Variants in ATF2 observed in about 807,000 individuals in gnomAD.
The protein encoded by ATF2 is activating transcription factor 2, also known as cyclic AMP-dependent transcription factor ATF-2.
Under a neutral mutation model 60.6 loss-of-function variants are expected in ATF2, and 24 were observed. That is an observed-to-expected ratio of 0.40 (90% confidence interval 0.29 to 0.56). The LOEUF (loss-of-function observed/expected upper bound fraction) is 0.56. Ranked by LOEUF, ATF2 falls within the 20% of genes least tolerant of loss-of-function variation. The probability of loss-of-function intolerance (pLI) is 0.54; values close to 1 mark genes in which losing one functional copy is unlikely to be tolerated. For missense variants in ATF2, 433 were observed against 607.7 expected (o/e 0.71, Z 3.02); for synonymous variants, 206 against 215.4 (o/e 0.96, Z 0.38).
chr2:175,163,865 A>G (rs1700171957), intron 1 of ATF2, among the ~76,000 whole-genome samples: 1 of 138,322 alleles, frequency 7.2e-6, no homozygotes, highest in Non-Finnish European at 1.5e-5. Flanking sequence ...AGAGGTTACA[A>G]TGAGCTGAGA....
intron 2 of ATF2, among the ~76,000 whole-genome samples, chr2:175,141,553 C>T (rs1426922455): frequency 2.6e-5 from 4 of 151,682 alleles, no homozygotes; most frequent in African/African-American, 7.3e-5. Flanking sequence ...AGTGCAGTGG[C>T]GCAATCTCGG....
Position 175,114,737 on chromosome 2 carries a change from G to C in ATF2, c.579C>G (p.Thr193=), listed in dbSNP as rs749947552. 5.6e-6 allele frequency: 9 copies of C among 1,613,884 alleles called. No homozygotes were observed. The South Asian group carries it at 9.9e-5, about 18-fold the overall frequency. Residue 193 remains threonine, a synonymous_variant, in exon 8 of 14, where the codon ACC becomes ACG. Transcript: ENST00000264110. Reference sequence around the variant, plus strand: ...GTGCCTGGGTGATTACAGTACTTGAGGTTGGTGAAGGTACTGCCTGCTGAA... The same window carrying C: ...GTGCCTGGGTGATTACAGTACTTGACGTTGGTGAAGGTACTGCCTGCTGAA... ...VIIQQAVPSP[T]SSTVITQAPS...
intron 7 of ATF2, among the ~76,000 whole-genome samples, chr2:175,117,245 G>A (rs1696641193): frequency 6.6e-6 from 1 of 151,320 alleles, no homozygotes; most frequent in African/African-American, 2.4e-5. Context: ...AAAAAAAACA[G>A]AAAACAAAGC....
intron 4 of ATF2, among the ~76,000 whole-genome samples, chr2:175,129,931 C>T (rs1697610625): frequency 6.6e-6 from 1 of 151,918 alleles, no homozygotes; most frequent in African/African-American, 2.4e-5. Flanking sequence ...TCCCCCCCTC[C>T]GTATTGGATT....
intron 12 of ATF2, among the ~76,000 whole-genome samples, chr2:175,091,388 T>A (rs1227186963): frequency 6.6e-6 from 1 of 152,090 alleles, no homozygotes; most frequent in Admixed American, 6.5e-5. Context: ...AAAATACACA[T>A]ACCTAAATCA....
intron 2 of ATF2, among the ~76,000 whole-genome samples, chr2:175,149,280 T>G (rs1470414219): frequency 6.6e-6 from 1 of 152,076 alleles, no homozygotes. Flanking sequence ...TTGTTAAAGG[T>G]GGGGGCGGGG....
intron 2 of ATF2, 58 bp from the exon 3 acceptor site, chr2:175,136,544 A>T (rs1698154140): frequency 8.7e-7 from 1 of 1,142,960 alleles, no homozygotes; most frequent in Admixed American, 2.1e-5. Flanking sequence ...TTCTTGAAAC[A>T]GTAGAAAATA....
intron 12 of ATF2, among the ~76,000 whole-genome samples, chr2:175,084,975 A>C (rs1303507201): frequency 1.3e-5 from 2 of 152,168 alleles, no homozygotes; most frequent in African/African-American, 2.4e-5. Flanking sequence ...GAAAAAGCTT[A>C]AATAATATGA....
chr2:175,083,575 T>C (rs565474897), intron 12 of ATF2, among the ~76,000 whole-genome samples: 41 of 152,250 alleles, frequency 2.7e-4, no homozygotes, highest in East Asian at 1.5e-3. Flanking sequence ...ATTCAGGACA[T>C]AGGCATGGGC....
In ATF2 at chr2:175,151,859, A is replaced by C. The variant is rs551998746; in HGVS notation, c.-142-701T>G. Among the ~76,000 whole-genome samples the C allele has an allele frequency of 2.0e-5, 3 of 152,332 alleles. No individual in the cohort carries two copies. The East Asian group carries it at 5.8e-4, about 29-fold the overall frequency. ...TGGCTTCTCCTTCATGGTTTTAAAA[A>C]TAACTGTTCAAGTAAGTTCTAGCCA... On this transcript the variant is annotated intron_variant, in intron 1 of 13. Coordinates refer to ENST00000264110, the MANE Select transcript of ATF2 (RefSeq NM_001880.4).
At chr2:175,119,664 C>CAA (rs1450655274) in intron 5 of ATF2, among the ~76,000 whole-genome samples, 1 of 151,420 alleles carries the variant, frequency 6.6e-6, no homozygotes, top group Non-Finnish European at 1.5e-5. Flanking sequence ...TCCCACCTCC[C>CAA]AAAAGATCTC....
At chr2:175,165,308 A>C (rs1700279115) in intron 1 of ATF2, among the ~76,000 whole-genome samples, 1 of 152,210 alleles carries the variant, frequency 6.6e-6, no homozygotes, top group South Asian at 2.1e-4. Flanking sequence ...TTCTCCAATG[A>C]CATTTTAGTA....
At chr2:175,134,344 A>C (rs1381636614) in intron 3 of ATF2, among the ~76,000 whole-genome samples, 1 of 152,156 alleles carries the variant, frequency 6.6e-6, no homozygotes, top group Non-Finnish European at 1.5e-5. Context: ...TCTTCAGGAG[A>C]TCCTGGATCC....
intron 2 of ATF2, among the ~76,000 whole-genome samples, chr2:175,142,714 A>AGT (rs879552350): frequency 0.028 from 3,533 of 123,982 alleles, 36 homozygotes; most frequent in Admixed American, 0.076. Flanking sequence ...AGAGAGAGAG[A>AGT]GAGAGAGTGT....
intron 1 of ATF2, among the ~76,000 whole-genome samples, chr2:175,158,600 A>G (rs1699831596): frequency 6.6e-6 from 1 of 152,134 alleles, no homozygotes; most frequent in African/African-American, 2.4e-5. Context: ...AACACTGGAA[A>G]CTGAGGTCAT....
chr2:175,115,761 A>T (rs1574407993), intron 7 of ATF2, among the ~76,000 whole-genome samples: 1 of 152,184 alleles, frequency 6.6e-6, no homozygotes. Flanking sequence ...AAGTAAAACA[A>T]GTAAGAAAAT....
chr2:175,165,660 G>T (rs1019125802), intron 1 of ATF2, among the ~76,000 whole-genome samples: 1 of 152,168 alleles, frequency 6.6e-6, no homozygotes, highest in South Asian at 2.1e-4. Flanking sequence ...TTAAAATGCT[G>T]ACAACCATTT....
chr2:175,111,608 C>G lies in ATF2; in HGVS notation c.788G>C (p.Gly263Ala). 6.2e-7 allele frequency: 1 copy of G among 1,613,706 alleles called. No homozygotes were observed. The highest frequency in any genetic ancestry group is 8.5e-7 in the Non-Finnish European group (1 of 1,179,834). ...TMVPSVPGIP[G>A]PSSPQPVQSE... Reference sequence around the variant, plus strand: ...CTGTACTGGTTGGGGAGAGGAAGGACCTGGGATTCCTGGAACACTAGGCAC... The same window carrying G: ...CTGTACTGGTTGGGGAGAGGAAGGAGCTGGGATTCCTGGAACACTAGGCAC... Residue 263 changes from glycine (G) to alanine (A), a missense_variant, in exon 10 of 14, where the codon GGT becomes GCT. Physicochemically the swap from Gly to Ala is moderately conservative, Grantham distance 60. This residue lies in a region of ATF2 where 246 missense variants were observed against 309.3 expected (regional missense o/e 0.80). Coordinates refer to ENST00000264110, the MANE Select transcript of ATF2 (RefSeq NM_001880.4).
intron 2 of ATF2, among the ~76,000 whole-genome samples, chr2:175,146,885 C>T (rs1210221726): frequency 6.6e-6 from 1 of 151,634 alleles, no homozygotes; most frequent in Non-Finnish European, 1.5e-5. Flanking sequence ...CCACAGATAA[C>T]GGGGGAGTAC....
Sources: gnomAD v4.1 joint callset for allele counts (sites outside exome capture counted in the v4.1 genomes callset) on GRCh38, gnomAD v4.1.1 for gene constraint, gnomAD v4.1.1 regional missense constraint, MANE v1.5 for transcripts, NCBI Gene and HGNC (gene_info 2026-07-23, HGNC 2026-07-21) for gene names.